The following AFF3 variants were observed in gnomAD, a reference collection of about 807,000 sequenced individuals.
AFF3 encodes AF4/FMR2 family member 3.
Under a neutral mutation model 129.7 loss-of-function variants are expected in AFF3, and 32 were observed. The ratio of observed to expected loss-of-function variants is 0.25; its 90% CI spans 0.19 to 0.33. The LOEUF is 0.33. Among genes scored for constraint, AFF3 ranks in the 10% least tolerant of loss-of-function variants. AFF3 has a pLI of 1.00. For synonymous variants in AFF3, 644 were observed against 635.4 expected, an observed-to-expected ratio of 1.01 and a Z score of -0.20; for missense variants, 1,373 against 1,592.0, an observed-to-expected ratio of 0.86 and a Z score of 2.34.
rs1025538493 is a variant in AFF3, at chr2:99,646,906, T to C, written c.1184+2720A>G. Among the ~76,000 whole-genome samples, 11 of 152,358 alleles carry C rather than the reference T, an allele frequency of 7.2e-5. No homozygotes were observed. In the South Asian group the frequency reaches 2.1e-3, roughly 29 times the overall value. ...ATTTCCATCTTGAAATGGTTACAAATGCTTATCACTTATGGGGATTACGTC... is the reference window on the plus strand; with the variant it reads ...ATTTCCATCTTGAAATGGTTACAAACGCTTATCACTTATGGGGATTACGTC... On this transcript the variant is annotated intron_variant, in intron 13 of 24. Transcript: ENST00000672756.
At chr2:99,943,460 AG>A (rs1393777485) in intron 7 of AFF3, among the ~76,000 whole-genome samples, 3 of 152,240 alleles carry the variant, frequency 2.0e-5, no homozygotes, top group Non-Finnish European at 4.4e-5. Context: ...AGAAGACTTC[AG>A]GGGTGATACA....
At chr2:99,861,648 T>C (rs1405048334) in intron 7 of AFF3, among the ~76,000 whole-genome samples, 1 of 152,182 alleles carries the variant, frequency 6.6e-6, no homozygotes, top group East Asian at 1.9e-4. Context: ...TTTCTTATCT[T>C]GAAACGCATC....
intron 7 of AFF3, among the ~76,000 whole-genome samples, chr2:99,930,988 C>T (rs776502014): frequency 6.6e-6 from 1 of 152,142 alleles, no homozygotes; most frequent in Non-Finnish European, 1.5e-5. Context: ...GTTCCGAGAA[C>T]CACCAGCTTA....
intron 7 of AFF3, among the ~76,000 whole-genome samples, chr2:99,979,052 A>T (rs1177784191): frequency 3.9e-5 from 6 of 152,194 alleles, no homozygotes; most frequent in African/African-American, 1.4e-4. Flanking sequence ...GATCTCTTCA[A>T]TAGAATAGTC....
chr2:99,847,259 TCCGCCTCCTGGGTTCCAGCAATTCTC>T (rs1689798407), intron 7 of AFF3, among the ~76,000 whole-genome samples: 1 of 151,870 alleles, frequency 6.6e-6, no homozygotes, highest in African/African-American at 2.4e-5. Flanking sequence ...CACTGCAACC[TCCGCCTCCTGGGTTCCAGCAATTCTC>T]CCGCCTCAGC....
intron 7 of AFF3, among the ~76,000 whole-genome samples, chr2:99,840,458 G>A (rs755797422): frequency 1.3e-5 from 2 of 152,172 alleles, no homozygotes; most frequent in Non-Finnish European, 2.9e-5. Context: ...ACAACAAAAT[G>A]TGCAAGGCAC....
chr2:99,839,605 T>C (rs78176315), intron 7 of AFF3, among the ~76,000 whole-genome samples: 5,136 of 150,808 alleles, frequency 0.034, 137 homozygotes, highest in East Asian at 0.064. Context: ...ATTTTCTTTT[T>C]TTTCTTTCTT....
At chr2:99,951,228 C>A (rs1326221520) in intron 7 of AFF3, among the ~76,000 whole-genome samples, 1 of 152,154 alleles carries the variant, frequency 6.6e-6, no homozygotes, top group Non-Finnish European at 1.5e-5. Flanking sequence ...ATTTTGTATT[C>A]ATAAAGAGGA....
At chr2:99,632,926 T>C (rs1683260222) in intron 13 of AFF3, among the ~76,000 whole-genome samples, 2 of 152,042 alleles carry the variant, frequency 1.3e-5, no homozygotes, top group South Asian at 4.2e-4. Context: ...ACCCTAACCA[T>C]GGAGGTGAAG....
chr2:99,816,611 G>A (rs1178793449), intron 8 of AFF3, among the ~76,000 whole-genome samples: 1 of 152,144 alleles, frequency 6.6e-6, no homozygotes, highest in African/African-American at 2.4e-5. Flanking sequence ...GTCTCCCTTT[G>A]CATGGTTCTC....
At chr2:99,842,427 C>T (rs992996874) in intron 7 of AFF3, among the ~76,000 whole-genome samples, 8 of 152,242 alleles carry the variant, frequency 5.3e-5, no homozygotes, top group African/African-American at 1.9e-4. Context: ...GCACAATGCA[C>T]ATTTTAATTA....
At chr2:99,851,982 G>A (rs915546470) in intron 7 of AFF3, among the ~76,000 whole-genome samples, 4 of 152,102 alleles carry the variant, frequency 2.6e-5, no homozygotes, top group African/African-American at 4.8e-5. Context: ...TGCAGGTCAC[G>A]GGCAGGACAG....
chr2:99,813,706 T>C (rs1221774788), intron 8 of AFF3, among the ~76,000 whole-genome samples: 2 of 152,206 alleles, frequency 1.3e-5, no homozygotes, highest in South Asian at 2.1e-4. Context: ...CTTCTCTGTA[T>C]CTAAGATGTC....
At chr2:99,645,175 A>G (rs1684584938) in intron 13 of AFF3, among the ~76,000 whole-genome samples, 1 of 152,054 alleles carries the variant, frequency 6.6e-6, no homozygotes, top group South Asian at 2.1e-4. Context: ...CCTCTACGAA[A>G]AGTCCAAAGA....
At chr2:99,685,587 A>G (rs1396304084) in intron 11 of AFF3, among the ~76,000 whole-genome samples, 1 of 152,250 alleles carries the variant, frequency 6.6e-6, no homozygotes, top group Non-Finnish European at 1.5e-5. Flanking sequence ...ATAAAAAAAG[A>G]GTAAAACTGC....
intron 7 of AFF3, among the ~76,000 whole-genome samples, chr2:99,919,828 A>G (rs1333886995): frequency 6.6e-6 from 1 of 152,118 alleles, no homozygotes; most frequent in African/African-American, 2.4e-5. Flanking sequence ...GGCAACACTG[A>G]TGAAGATTTT....
At chr2:100,002,667 T>C (rs1681536325) in intron 7 of AFF3, among the ~76,000 whole-genome samples, 1 of 152,224 alleles carries the variant, frequency 6.6e-6, no homozygotes, top group African/African-American at 2.4e-5. Context: ...CACCAGCTCC[T>C]GGCTTCCTCT....
chr2:99,975,964 C>T (rs1379787045), intron 7 of AFF3, among the ~76,000 whole-genome samples: 1 of 151,370 alleles, frequency 6.6e-6, no homozygotes, highest in African/African-American at 2.4e-5. Context: ...TAAGAAGGCC[C>T]AAGAAGGTGA....
At chr2:99,936,168 G>T (rs960656968) in intron 7 of AFF3, among the ~76,000 whole-genome samples, 3 of 152,140 alleles carry the variant, frequency 2.0e-5, no homozygotes, top group African/African-American at 4.8e-5. Flanking sequence ...GTATTTACGA[G>T]CTGGGTATGA....
Sources: allele counts gnomAD v4.1 joint callset (sites outside exome capture counted in the v4.1 genomes callset), GRCh38; gene constraint gnomAD v4.1.1; transcripts MANE v1.5; gene names NCBI Gene and HGNC (gene_info 2026-07-23, HGNC 2026-07-21).